ERC1: variants seen among roughly 807,000 people sequenced by gnomAD.
ERC1 encodes RAB6 interacting protein 2.
A neutral mutation model predicts 132.0 loss-of-function variants in ERC1; 56 were observed. The observed-to-expected ratio is 0.42, with a 90% confidence interval of 0.34 to 0.53. The LOEUF (loss-of-function observed/expected upper bound fraction) is 0.53, where lower values mean the gene tolerates loss of function less well. ERC1 is among the 20% of genes least tolerant of loss of function. The probability of loss-of-function intolerance (pLI) is 0.03; values close to 1 mark genes in which losing one functional copy is unlikely to be tolerated. For missense variants in ERC1, 1,202 were observed against 1,349.9 expected (o/e 0.89, Z 1.72); for synonymous variants, 478 against 476.1 (o/e 1.00, Z -0.05).
chr12:1,458,059 G>A (rs1046724754), intron 18 of ERC1, among the ~76,000 whole-genome samples: 2 of 152,366 alleles, frequency 1.3e-5, no homozygotes, highest in Middle Eastern at 3.4e-3. Context: ...AGCATGGTTG[G>A]CATATTTGGT....
chr12:1,307,086 A>AAGAT (rs1218007181), intron 15 of ERC1, among the ~76,000 whole-genome samples: 1 of 152,142 alleles, frequency 6.6e-6, no homozygotes, highest in Non-Finnish European at 1.5e-5. Context: ...GATCGCTAAG[A>AAGAT]AGATACCTGT....
At chr12:1,487,288 A>G (rs926186745) in intron 18 of ERC1, among the ~76,000 whole-genome samples, 3 of 151,728 alleles carry the variant, frequency 2.0e-5, no homozygotes, top group African/African-American at 7.3e-5. Context: ...TATATTTAAG[A>G]AGCACTGTGC....
chr12:1,008,891 G>A (rs890562853), intron 1 of ERC1, among the ~76,000 whole-genome samples: 3 of 152,146 alleles, frequency 2.0e-5, no homozygotes, highest in African/African-American at 7.2e-5. Flanking sequence ...CAAGTGCTCA[G>A]CACTCAGCAG....
Position 1,380,516 on chromosome 12 carries a change from T to C in ERC1, c.2925+8539T>C, listed in dbSNP as rs1383971702. 5.3e-5 allele frequency: 8 copies of C among 152,270 alleles called. No homozygotes were observed. The South Asian group carries it at 1.2e-3, about 24-fold the overall frequency. The allele number at this position is 152,270 out of a possible 1,614,324, so 9.4% of individuals were successfully genotyped here. A position where few individuals can be genotyped will look rare whatever the true frequency, so the allele number is the denominator to read the frequency against. Reference sequence around the variant, plus strand: ...CACTCAGTCTTTAGGAGTGGTTCTCTTTGAGCCCTCTCTGTCTTAGCTAAG... The same window carrying C: ...CACTCAGTCTTTAGGAGTGGTTCTCCTTGAGCCCTCTCTGTCTTAGCTAAG... On this transcript the variant is annotated intron_variant, in intron 16 of 18. Transcript: ENST00000360905.
chr12:1,390,377 A>G (rs992219494), intron 16 of ERC1, among the ~76,000 whole-genome samples: 29 of 152,176 alleles, frequency 1.9e-4, no homozygotes, highest in Non-Finnish European at 4.3e-4. Context: ...AGTAAATACC[A>G]ACTGTCTATT....
intron 15 of ERC1, among the ~76,000 whole-genome samples, chr12:1,366,060 G>A (rs1479664189): frequency 3.3e-5 from 5 of 152,198 alleles, no homozygotes; most frequent in Non-Finnish European, 7.3e-5. Flanking sequence ...CAGAGGCTGG[G>A]GGAGGGGAAA....
rs150110498 is a variant in ERC1 at position 1,298,400 on chromosome 12, G to C, written c.2780+8388G>C. On this transcript the variant is annotated intron_variant, in intron 15 of 18. Transcript: ENST00000360905. ...TCTACTAAAAATACAAAAACTAGCC[G>C]GGTGTGGTGGCGGGTGTCTGTTATC... Among the ~76,000 whole-genome samples the C allele has an allele frequency of 2.5e-4, 38 of 151,920 alleles. No homozygotes were observed. In the East Asian group the frequency reaches 4.7e-3, roughly 19 times the overall value.
chr12:1,136,095 A>C (rs996265744), intron 7 of ERC1, among the ~76,000 whole-genome samples: 1 of 152,196 alleles, frequency 6.6e-6, no homozygotes, highest in African/African-American at 2.4e-5. Context: ...AAACCTGGGA[A>C]CCCATGTTTG....
At chr12:1,245,919 G>T (rs1056216526) in intron 13 of ERC1, among the ~76,000 whole-genome samples, 1 of 151,940 alleles carries the variant, frequency 6.6e-6, no homozygotes, top group Non-Finnish European at 1.5e-5. Context: ...CATTATTAAA[G>T]TTCCCAAAGT....
intron 16 of ERC1, among the ~76,000 whole-genome samples, chr12:1,381,955 T>G (rs948860569): frequency 6.6e-6 from 1 of 152,202 alleles, no homozygotes; most frequent in South Asian, 2.1e-4. Flanking sequence ...ACTTTTCACT[T>G]GGACTAGAGT....
At chr12:1,161,575 G>C (rs1017671503) in intron 8 of ERC1, among the ~76,000 whole-genome samples, 1 of 152,080 alleles carries the variant, frequency 6.6e-6, no homozygotes, top group African/African-American at 2.4e-5. Context: ...CATCTTTATT[G>C]ACCTGTTAAT....
intron 12 of ERC1, among the ~76,000 whole-genome samples, chr12:1,200,877 A>G (rs1956852649): frequency 6.6e-6 from 1 of 152,052 alleles, no homozygotes; most frequent in South Asian, 2.1e-4. Context: ...TTTTCTTACC[A>G]TTGCCCATAA....
intron 3 of ERC1, among the ~76,000 whole-genome samples, chr12:1,099,914 C>T (rs1944473346): frequency 7.1e-6 from 1 of 140,894 alleles, no homozygotes; most frequent in Non-Finnish European, 1.5e-5. Context: ...GTGGCACCAT[C>T]TCGGCTCACT....
chr12:1,462,302 T>C (rs139030734), intron 18 of ERC1, among the ~76,000 whole-genome samples: 7 of 152,280 alleles, frequency 4.6e-5, no homozygotes, highest in African/African-American at 1.7e-4. Context: ...TAGATGTACA[T>C]CTATCCTGTA....
intron 15 of ERC1, among the ~76,000 whole-genome samples, chr12:1,306,573 T>G (rs2080899525): frequency 6.6e-6 from 1 of 152,198 alleles, no homozygotes; most frequent in Non-Finnish European, 1.5e-5. Context: ...GTGCTTCAAT[T>G]TAAGACATCG....
intron 15 of ERC1, among the ~76,000 whole-genome samples, chr12:1,363,042 A>G (rs2086282254): frequency 6.6e-6 from 1 of 152,242 alleles, no homozygotes; most frequent in Non-Finnish European, 1.5e-5. Flanking sequence ...GAGTTTGTCA[A>G]GCTACAGTCA....
intron 18 of ERC1, among the ~76,000 whole-genome samples, chr12:1,484,048 G>A (rs1196381975): frequency 7.1e-6 from 1 of 140,908 alleles, no homozygotes; most frequent in Non-Finnish European, 1.5e-5. Context: ...GCTCACGCCT[G>A]TAATCCCAGC....
chr12:1,454,412 G>A (rs564123714), intron 18 of ERC1, among the ~76,000 whole-genome samples: 3 of 152,296 alleles, frequency 2.0e-5, no homozygotes, highest in South Asian at 4.2e-4. Flanking sequence ...TGAGAACTCC[G>A]GTTTATAGCT....
chr12:1,313,273 G>C (rs549463787), intron 15 of ERC1, among the ~76,000 whole-genome samples: 3 of 152,100 alleles, frequency 2.0e-5, no homozygotes, highest in Non-Finnish European at 4.4e-5. Flanking sequence ...CCACCCACTA[G>C]ATTTCTTCTT....
Sources: gnomAD v4.1 joint callset for allele counts (sites outside exome capture counted in the v4.1 genomes callset) on GRCh38, gnomAD v4.1.1 for gene constraint, MANE v1.5 for transcripts, NCBI Gene and HGNC (gene_info 2026-07-23, HGNC 2026-07-21) for gene names.